Variants in WWOX observed in about 807,000 individuals in gnomAD.
WWOX encodes WW domain containing oxidoreductase.
A neutral mutation model predicts 46.2 loss-of-function variants in WWOX; 69 were observed. The ratio of observed to expected loss-of-function variants is 1.49; its 90% CI spans 1.23 to 1.82. The LOEUF (loss-of-function observed/expected upper bound fraction) is 1.82, where lower values mean the gene tolerates loss of function less well. WWOX is among the 40% of genes most tolerant of loss of function. WWOX has a pLI of 0.00. For missense variants in WWOX, 919 were observed against 542.6 expected (o/e 1.69, Z -6.89); for synonymous variants, 359 against 202.6 (o/e 1.77, Z -6.56).
chr16:78,196,734 A>G (rs765605086), intron 5 of WWOX, among the ~76,000 whole-genome samples: 2 of 152,174 alleles, frequency 1.3e-5, no homozygotes, highest in African/African-American at 2.4e-5. Context: ...TGCTGTAATT[A>G]TATTATTGGC....
chr16:78,799,415 C>G (rs779022207), intron 8 of WWOX, among the ~76,000 whole-genome samples: 1 of 152,160 alleles, frequency 6.6e-6, no homozygotes, highest in Non-Finnish European at 1.5e-5. Context: ...TAAGAACTTA[C>G]CAGCATTTAA....
At chr16:78,893,310 C>T (rs1398982909) in intron 8 of WWOX, among the ~76,000 whole-genome samples, 1 of 152,126 alleles carries the variant, frequency 6.6e-6, no homozygotes, top group Non-Finnish European at 1.5e-5. Flanking sequence ...AGTCAGGCCT[C>T]GAAAAATACC....
intron 8 of WWOX, among the ~76,000 whole-genome samples, chr16:78,765,433 C>G (rs756909295): frequency 1.3e-5 from 2 of 152,148 alleles, no homozygotes; most frequent in Admixed American, 1.3e-4. Context: ...AATCCCAGCA[C>G]TTTGGGAGGC....
At chr16:78,943,725 G>C (rs2045897058) in intron 8 of WWOX, among the ~76,000 whole-genome samples, 2 of 152,152 alleles carry the variant, frequency 1.3e-5, no homozygotes, top group African/African-American at 2.4e-5. Context: ...AGCAGTAAAA[G>C]GTAGCCCTGC....
At chr16:78,594,998 A>G (rs564010976) in intron 8 of WWOX, among the ~76,000 whole-genome samples, 61 of 152,320 alleles carry the variant, frequency 4.0e-4, no homozygotes, top group African/African-American at 1.4e-3. Flanking sequence ...AGACTTGTGG[A>G]AAAGGGACAT....
At chr16:78,396,391 C>A (rs1372966213) in intron 6 of WWOX, among the ~76,000 whole-genome samples, 2 of 152,246 alleles carry the variant, frequency 1.3e-5, no homozygotes, top group Non-Finnish European at 2.9e-5. Flanking sequence ...TTAACCACAC[C>A]AATGTTCACA....
intron 5 of WWOX, among the ~76,000 whole-genome samples, chr16:78,215,408 G>A (rs2036687365): frequency 6.6e-6 from 1 of 152,202 alleles, no homozygotes; most frequent in Admixed American, 6.5e-5. Context: ...TCTCGTGATA[G>A]CACGTGAGTT....
intron 4 of WWOX, among the ~76,000 whole-genome samples, chr16:78,130,331 A>G (rs2033539417): frequency 6.6e-6 from 1 of 152,138 alleles, no homozygotes; most frequent in African/African-American, 2.4e-5. Context: ...TCCTTAAGCT[A>G]TGTGAATGTG....
intron 8 of WWOX, among the ~76,000 whole-genome samples, chr16:78,472,611 C>A (rs1029487701): frequency 6.6e-6 from 1 of 151,910 alleles, no homozygotes; most frequent in Non-Finnish European, 1.5e-5. Context: ...GAGTTTGAGA[C>A]CAGCCTGACC....
chr16:79,020,475 C>G (rs1006992350), intron 8 of WWOX, among the ~76,000 whole-genome samples: 2 of 152,058 alleles, frequency 1.3e-5, no homozygotes, highest in African/African-American at 4.8e-5. Context: ...AGTCTCTGTC[C>G]CAGGGGAGTT....
intron 8 of WWOX, among the ~76,000 whole-genome samples, chr16:78,576,687 C>T (rs753213005): frequency 1.3e-5 from 2 of 152,122 alleles, no homozygotes. Flanking sequence ...AAAATATTAG[C>T]TGGGCATGAT....
At chr16:78,811,834 C>T (rs568993494) in intron 8 of WWOX, among the ~76,000 whole-genome samples, 2 of 152,310 alleles carry the variant, frequency 1.3e-5, no homozygotes, top group African/African-American at 4.8e-5. Flanking sequence ...CACAAACATT[C>T]AGTCCCTAAC....
intron 5 of WWOX, among the ~76,000 whole-genome samples, chr16:78,362,215 G>A (rs2081424262): frequency 6.6e-6 from 1 of 152,024 alleles, no homozygotes; most frequent in African/African-American, 2.4e-5. Flanking sequence ...TGAACTCGTG[G>A]GAGCATGTTA....
In WWOX at chr16:79,212,144, G is replaced by A. The variant is rs776588952; in HGVS notation, c.*348G>A. 64 of 1,516,768 alleles carry A rather than the reference G, an allele frequency of 4.2e-5. No homozygotes were observed. The highest frequency in any genetic ancestry group is 8.6e-5 in the South Asian group (7 of 81,266). 94.0% of individuals were successfully genotyped at this position (1,516,768 alleles called of 1,614,324 possible). A position where few individuals can be genotyped will look rare whatever the true frequency, so the allele number is the denominator to read the frequency against. On this transcript the variant is annotated 3_prime_UTR_variant, in exon 9 of 9. Transcript: ENST00000566780. The stretch of plus-strand genomic sequence containing the variant: ...TTATAGAATAGCCTGAGGTCCCCTC[G>A]TCCCATCCAGCTACCACCACGGCCA...
At chr16:78,731,847 T>TC (rs2048977253) in intron 8 of WWOX, among the ~76,000 whole-genome samples, 2 of 125,948 alleles carry the variant, frequency 1.6e-5, no homozygotes, top group African/African-American at 4.1e-5. Flanking sequence ...TTCTTTCTCT[T>TC]TTTTTTTTTT....
At chr16:78,608,973 C>T (rs1172488125) in intron 8 of WWOX, among the ~76,000 whole-genome samples, 1 of 152,154 alleles carries the variant, frequency 6.6e-6, no homozygotes, top group Non-Finnish European at 1.5e-5. Flanking sequence ...GACAAATAAT[C>T]TAGCATGTCT....
chr16:79,084,545 G>T (rs2150587571), intron 8 of WWOX, among the ~76,000 whole-genome samples: 1 of 152,174 alleles, frequency 6.6e-6, no homozygotes, highest in African/African-American at 2.4e-5. Flanking sequence ...CTCCTGAGTA[G>T]CTGGGACTAC....
chr16:78,577,536 G>C (rs1013552112), intron 8 of WWOX, among the ~76,000 whole-genome samples: 1 of 152,180 alleles, frequency 6.6e-6, no homozygotes, highest in Non-Finnish European at 1.5e-5. Context: ...AGCCAAGCCA[G>C]CTAGAGTTCA....
At chr16:78,628,056 T>A in intron 8 of WWOX, among the ~76,000 whole-genome samples, 1 of 151,912 alleles carries the variant, frequency 6.6e-6, no homozygotes, top group East Asian at 1.9e-4. Context: ...AGATACAGGG[T>A]GTGTCAGATT....
Sources: gnomAD v4.1 joint callset for allele counts (sites outside exome capture counted in the v4.1 genomes callset) on GRCh38, gnomAD v4.1.1 for gene constraint, MANE v1.5 for transcripts, NCBI Gene and HGNC (gene_info 2026-07-23, HGNC 2026-07-21) for gene names.